The following TPD52 variants were observed in gnomAD, a reference collection of about 807,000 sequenced individuals.
The protein encoded by TPD52 is tumor protein D52.
Under a neutral mutation model 31.3 loss-of-function variants are expected in TPD52, and 17 were observed. The ratio of observed to expected loss-of-function variants is 0.54; its 90% CI spans 0.37 to 0.82. The LOEUF is 0.82. Among genes scored for constraint, TPD52 ranks in the 40% least tolerant of loss-of-function variants. TPD52 has a pLI of 0.00. For synonymous variants in TPD52, 83 were observed against 89.6 expected (o/e 0.93, Z 0.42); for missense variants, 212 against 240.1 (o/e 0.88, Z 0.77).
At chr8:80,123,494 G>A (rs1343013211) in intron 1 of TPD52, among the ~76,000 whole-genome samples, 1 of 152,210 alleles carries the variant, frequency 6.6e-6, no homozygotes, top group South Asian at 2.1e-4. Flanking sequence ...GGGAGGCCAA[G>A]GCAGAAGGAT....
At chr8:80,073,492 C>A (rs1023128719) in intron 1 of TPD52, among the ~76,000 whole-genome samples, 1 of 152,192 alleles carries the variant, frequency 6.6e-6, no homozygotes, top group Non-Finnish European at 1.5e-5. Context: ...GAATAAGAAC[C>A]TACGGTCCAG....
chr8:80,087,284 T>A (rs1815883674), intron 1 of TPD52, among the ~76,000 whole-genome samples: 1 of 152,162 alleles, frequency 6.6e-6, no homozygotes, highest in Admixed American at 6.5e-5. Context: ...TAGCTATTCT[T>A]CCTTATGCTC....
At chr8:80,124,702 G>C (rs938280368) in intron 1 of TPD52, among the ~76,000 whole-genome samples, 1 of 152,096 alleles carries the variant, frequency 6.6e-6, no homozygotes, top group African/African-American at 2.4e-5. Context: ...CACTCTAGGG[G>C]AGAAAGAATT....
At chr8:80,093,912 A>G (rs745627635) in intron 1 of TPD52, among the ~76,000 whole-genome samples, 2 of 151,174 alleles carry the variant, frequency 1.3e-5, no homozygotes, top group Non-Finnish European at 2.9e-5. Context: ...GTAGCCCATT[A>G]TCTTGAAACC....
rs533204294 is a variant in TPD52, at chr8:80,142,684, G to A, written c.19+28741C>T. ...GTCACTGTACTCCACCCTGGGCAAC[G>A]GAGTGAGGCTCTGTCACAAAAAGAA... On this transcript the variant is annotated intron_variant, in intron 1 of 7. Coordinates refer to ENST00000518937, the MANE Select transcript of TPD52 (RefSeq NM_001025253.3). Among the ~76,000 whole-genome samples, 20 of 152,222 alleles carry A rather than the reference G, an allele frequency of 1.3e-4. 1 individual carries two copies. Among genetic ancestry groups the A allele is most frequent in the East Asian group, 7.7e-4 (4 of 5,174 alleles).
chr8:80,100,051 T>C (rs1806623453), intron 1 of TPD52, among the ~76,000 whole-genome samples: 1 of 152,234 alleles, frequency 6.6e-6, no homozygotes, highest in Non-Finnish European at 1.5e-5. Context: ...CTCTAAGTAG[T>C]GTTCTAAACA....
intron 1 of TPD52, among the ~76,000 whole-genome samples, chr8:80,116,701 G>T (rs942727575): frequency 6.6e-6 from 1 of 151,282 alleles, no homozygotes; most frequent in Non-Finnish European, 1.5e-5. Flanking sequence ...ACAAGAAAAC[G>T]ACAGACTAGT....
chr8:80,044,490 TAGG>T (rs1430873103), intron 5 of TPD52, among the ~76,000 whole-genome samples: 6 of 152,186 alleles, frequency 3.9e-5, no homozygotes, highest in African/African-American at 1.4e-4. Flanking sequence ...GTAAGGCATA[TAGG>T]TGTTAAATGA....
chr8:80,147,138 A>C (rs1274006832), intron 1 of TPD52, among the ~76,000 whole-genome samples: 10 of 152,014 alleles, frequency 6.6e-5, no homozygotes, highest in Non-Finnish European at 1.5e-4. Flanking sequence ...GACTTGCACC[A>C]GATGAAGTCT....
chr8:80,042,543 C>A, intron 7 of TPD52, 77 bp downstream of exon 7: 1 of 1,546,844 alleles, frequency 6.5e-7, no homozygotes. Flanking sequence ...ATATTAATGT[C>A]AATGATTTTC....
chr8:80,109,824 C>T (rs1229471349), intron 1 of TPD52, among the ~76,000 whole-genome samples: 3 of 152,194 alleles, frequency 2.0e-5, no homozygotes, highest in Non-Finnish European at 4.4e-5. Flanking sequence ...GTTTTATTAT[C>T]TACCTGTAGT....
intron 1 of TPD52, among the ~76,000 whole-genome samples, chr8:80,111,549 T>C (rs1807496883): frequency 6.6e-6 from 1 of 152,248 alleles, no homozygotes; most frequent in African/African-American, 2.4e-5. Flanking sequence ...CTTTGGTTTT[T>C]CCTATATCTC....
At chr8:80,115,978 G>A (rs1227234502) in intron 1 of TPD52, among the ~76,000 whole-genome samples, 2 of 152,004 alleles carry the variant, frequency 1.3e-5, no homozygotes, top group Non-Finnish European at 2.9e-5. Flanking sequence ...CCCAATAAAA[G>A]ACAAAGAAGT....
chr8:80,107,422 G>C (rs948745504), intron 1 of TPD52, among the ~76,000 whole-genome samples: 5 of 152,194 alleles, frequency 3.3e-5, no homozygotes. Context: ...GGACCTCAGA[G>C]CAAGATGAGA....
At position 80,051,595 on chromosome 8, in the gene TPD52, A is replaced by G; in HGVS notation, c.318T>C (p.Ala106=). 6.2e-7 allele frequency: 1 copy of G among 1,612,098 alleles called. No homozygotes were observed. Among genetic ancestry groups the G allele is most frequent in the Non-Finnish European group, 8.5e-7 (1 of 1,179,312 alleles). ...YKKTSETLSQ[A]GQKASAAFSS... ...AAAAAGCAGCTGAGGCCTTCTGTCCAGCCTGGGATAAGGTTTCAGATGTCT... is the reference window on the plus strand; with the variant it reads ...AAAAAGCAGCTGAGGCCTTCTGTCCGGCCTGGGATAAGGTTTCAGATGTCT... The change falls in exon 4 of 8, where the codon GCT becomes GCC. Residue 106 remains alanine (A), a synonymous_variant. Coordinates refer to ENST00000518937, the MANE Select transcript of TPD52 (RefSeq NM_001025253.3).
At chr8:80,152,525 AATC>A in intron 1 of TPD52, among the ~76,000 whole-genome samples, 1 of 152,188 alleles carries the variant, frequency 6.6e-6, no homozygotes, top group Non-Finnish European at 1.5e-5. Flanking sequence ...TCATGCCTGT[AATC>A]CTAGCACTTT....
At chr8:80,144,753 G>C (rs931458090) in intron 1 of TPD52, among the ~76,000 whole-genome samples, 1 of 152,166 alleles carries the variant, frequency 6.6e-6, no homozygotes, top group Non-Finnish European at 1.5e-5. Flanking sequence ...GTGTTGGACT[G>C]TCTCCTTGAC....
At chr8:80,095,321 T>C (rs1026674973) in intron 1 of TPD52, among the ~76,000 whole-genome samples, 3 of 151,834 alleles carry the variant, frequency 2.0e-5, no homozygotes, top group African/African-American at 7.3e-5. Context: ...AAAGACAAAA[T>C]TATGGAGACA....
intron 1 of TPD52, chr8:80,119,685 T>G (rs1808117355): frequency 1.3e-5 from 2 of 159,802 alleles, no homozygotes; most frequent in African/African-American, 4.8e-5. Context: ...AATATAAGCT[T>G]CTTTAAAATT....
Sources: gnomAD v4.1 joint callset for allele counts (sites outside exome capture counted in the v4.1 genomes callset) on GRCh38, gnomAD v4.1.1 for gene constraint, MANE v1.5 for transcripts, NCBI Gene and HGNC (gene_info 2026-07-23, HGNC 2026-07-21) for gene names.